The following MYBPC1 variants were observed in gnomAD, a reference collection of about 807,000 sequenced individuals.
The protein encoded by MYBPC1 is myosin binding protein C1, also known as myosin-binding protein C, slow-type.
In MYBPC1, 52 loss-of-function variants were observed where a neutral mutation model predicts 147.1. The observed-to-expected ratio is 0.35, with a 90% confidence interval of 0.28 to 0.45. The LOEUF (loss-of-function observed/expected upper bound fraction) is 0.45. Among genes scored for constraint, MYBPC1 ranks in the 20% least tolerant of loss-of-function variants. MYBPC1 has a pLI of 1.00. For synonymous variants in MYBPC1, 477 were observed against 475.9 expected (o/e 1.00, Z -0.03); for missense variants, 1,228 against 1,440.3 (o/e 0.85, Z 2.39).
chr12:101,637,734 G>A (rs1261652283), intron 10 of MYBPC1, among the ~76,000 whole-genome samples: 1 of 152,052 alleles, frequency 6.6e-6, no homozygotes, highest in Non-Finnish European at 1.5e-5. Context: ...AATATACTGG[G>A]ATTGTGTTTA....
intron 13 of MYBPC1, 157 bp downstream of exon 13, chr12:101,647,044 G>A (rs946678328): frequency 1.4e-5 from 13 of 923,436 alleles, no homozygotes; most frequent in Non-Finnish European, 1.9e-5. Context: ...ACAGCAGAGG[G>A]GAGAAAGAGA....
chr12:101,624,711 C>G (rs1330596480), intron 3 of MYBPC1, among the ~76,000 whole-genome samples: 1 of 47,804 alleles, frequency 2.1e-5, no homozygotes, highest in Non-Finnish European at 4.0e-5. Flanking sequence ...TTTTTTTTTA[C>G]GGAGAGAGTC....
At chr12:101,628,745 A>G (rs941886040) in intron 5 of MYBPC1, among the ~76,000 whole-genome samples, 5 of 152,172 alleles carry the variant, frequency 3.3e-5, no homozygotes, top group South Asian at 2.1e-4. Context: ...AAGAAACTCT[A>G]TTTCCAGCTT....
chr12:101,683,289 G>A (rs543394643), intron 30 of MYBPC1, among the ~76,000 whole-genome samples: 1 of 152,112 alleles, frequency 6.6e-6, no homozygotes, highest in Non-Finnish European at 1.5e-5. Context: ...ACTTAGCCAG[G>A]TGTGGTGGCA....
At position 101,685,761 on chromosome 12, in the gene MYBPC1, C is replaced by A; in HGVS notation, c.*199C>A. 1 of 998,206 alleles carries A rather than the reference C, an allele frequency of 1.0e-6. No individual in the cohort carries two copies. Among genetic ancestry groups the A allele is most frequent in the Non-Finnish European group, 1.4e-6 (1 of 693,998 alleles). The allele number at this position is 998,206 out of a possible 1,614,324, so 61.8% of individuals were successfully genotyped here. A position where few individuals can be genotyped will look rare whatever the true frequency, so the allele number is the denominator to read the frequency against. On this transcript the variant is annotated 3_prime_UTR_variant, in exon 32 of 32. Coordinates refer to ENST00000361466, the MANE Select transcript of MYBPC1 (RefSeq NM_002465.4). ...AATGAGAAAAAGCATTTTCTGTTTT[C>A]CCACCAGGCCCCCAAGTGTGGTCTT...
rs1889927282 is a variant in MYBPC1 at position 101,631,685 on chromosome 12, T to C, written c.404T>C (p.Leu135Pro). The part of the protein sequence containing the change: ...MDLASKAGKH[L>P]QLKETFERHS... ...CTGGCCAGCAAAGCCGGGAAGCACC[T>C]TCAGCTGAAGGAAACCTTTGAGAGG... Residue 135 changes from leucine to proline, a missense_variant, in exon 7 of 32, where the codon CTT becomes CCT. Leu to Pro is a moderately conservative substitution (Grantham distance 98). Around this residue, in one of 2 missense-constraint regions of MYBPC1, gnomAD observed 1,077 missense variants for 1,314.2 expected, o/e 0.82. Coordinates refer to ENST00000361466, the MANE Select transcript of MYBPC1 (RefSeq NM_002465.4). 6.2e-7 allele frequency: 1 copy of C among 1,614,196 alleles called. No individual in the cohort carries two copies. Among genetic ancestry groups the C allele is most frequent in the Non-Finnish European group, 8.5e-7 (1 of 1,180,032 alleles).
chr12:101,682,787 T>C lies in MYBPC1; in HGVS notation c.3492+125T>C. The stretch of plus-strand genomic sequence containing the variant: ...TTTAATTGTACCCCTTAGCAGCTCA[T>C]GGCATACAGTGCTTATGCCATGAAC... On this transcript the variant is annotated intron_variant, in intron 30 of 31. Coordinates refer to ENST00000361466, the MANE Select transcript of MYBPC1 (RefSeq NM_002465.4). 4.6e-6 allele frequency: 4 copies of C among 863,068 alleles called. No individual in the cohort carries two copies. The Admixed American group carries it at 8.1e-5, about 17-fold the overall frequency. The allele number at this position is 863,068 out of a possible 1,614,324, so 53.5% of individuals were successfully genotyped here. A position where few individuals can be genotyped will look rare whatever the true frequency, so the allele number is the denominator to read the frequency against.
In MYBPC1 at chr12:101,626,987, A is replaced by G; in HGVS notation, c.142+77A>G. 3 of 1,381,050 alleles carry G rather than the reference A, an allele frequency of 2.2e-6. No homozygotes were observed. The Admixed American group carries it at 5.1e-5, about 23-fold the overall frequency. 85.5% of individuals were successfully genotyped at this position (1,381,050 alleles called of 1,614,324 possible). A position where few individuals can be genotyped will look rare whatever the true frequency, so the allele number is the denominator to read the frequency against. ...CGGTAGAGGAAAAGAAAAGGCAGTG[A>G]GCCTCCTTGCTGAGTCAGTGCACAG... On this transcript the variant is annotated intron_variant, in intron 4 of 31. Coordinates refer to ENST00000361466, the MANE Select transcript of MYBPC1 (RefSeq NM_002465.4).
chr12:101,631,522 C>A, intron 6 of MYBPC1, 49 bp from the exon 7 acceptor site: 1 of 1,605,212 alleles, frequency 6.2e-7, no homozygotes, highest in Non-Finnish European at 8.5e-7. Flanking sequence ...GAAAGCAAAA[C>A]AAATGACGCT....
At chr12:101,617,073 G>A in intron 2 of MYBPC1, 129 bp from the exon 3 acceptor site, 2 of 779,738 alleles carry the variant, frequency 2.6e-6, no homozygotes, top group Non-Finnish European at 4.4e-6. Context: ...TACAGCACGA[G>A]TATTCAGTAT....
chr12:101,614,230 T>C (rs1885234729), intron 1 of MYBPC1, among the ~76,000 whole-genome samples: 1 of 152,102 alleles, frequency 6.6e-6, no homozygotes, highest in Non-Finnish European at 1.5e-5. Flanking sequence ...TTTCCATCAC[T>C]ACACCATGCC....
intron 12 of MYBPC1, among the ~76,000 whole-genome samples, chr12:101,645,115 A>C (rs1218505360): frequency 6.6e-6 from 1 of 152,198 alleles, no homozygotes; most frequent in African/African-American, 2.4e-5. Context: ...AAATTGAAAA[A>C]TAACTTGCAA....
At chr12:101,607,195 T>C (rs544324143) in intron 1 of MYBPC1, among the ~76,000 whole-genome samples, 2 of 152,310 alleles carry the variant, frequency 1.3e-5, no homozygotes, top group East Asian at 1.9e-4. Context: ...CAATATTTTA[T>C]GCTATGGGAG....
Position 101,644,822 on chromosome 12 carries a change from G to A in MYBPC1, c.965+26G>A, listed in dbSNP as rs751871451. On this transcript the variant is annotated intron_variant, in intron 12 of 31. Transcript: ENST00000361466. ...GTAAGTGGGCTTTGCAAAAATCAGT[G>A]ATAGCTCTACAGTAAATTAATCAAA... is the stretch of plus-strand genomic sequence containing the variant. The A allele has an allele frequency of 1.9e-6, 3 of 1,607,350 alleles. No individual in the cohort carries two copies. In the Admixed American group the frequency reaches 5.0e-5, roughly 27 times the overall value.
chr12:101,614,654 G>A (rs555626748), intron 2 of MYBPC1, 123 bp downstream of exon 2: 12 of 923,422 alleles, frequency 1.3e-5, no homozygotes, highest in Non-Finnish European at 1.6e-5. Context: ...CTGAGAAGTT[G>A]GATGGTGACC....
Position 101,662,425 on chromosome 12 carries a change from A to G in MYBPC1, c.2100A>G (p.Lys700=). Residue 700 remains lysine, a synonymous_variant, in exon 21 of 32, where the codon AAA becomes AAG. Coordinates refer to ENST00000361466, the MANE Select transcript of MYBPC1 (RefSeq NM_002465.4). ...RWMRLNFDLC[K]ETTFEPKKMI... ...TGAGGCTGAATTTTGATCTCTGCAA[A>G]GAAACAACTTTTGAGCCCAAGAAGA... 1 of 1,614,276 alleles carries G rather than the reference A, an allele frequency of 6.2e-7. No homozygotes were observed. The highest frequency in any genetic ancestry group is 8.5e-7 in the Non-Finnish European group (1 of 1,180,046).
At chr12:101,680,260 A>C (rs991996509) in intron 28 of MYBPC1, 83 bp from the exon 29 acceptor site, 2 of 1,361,122 alleles carry the variant, frequency 1.5e-6, no homozygotes, top group African/African-American at 2.9e-5. Flanking sequence ...CATGCTTTAA[A>C]ATTCTGTCAC....
At chr12:101,595,999 T>G (rs1877102601) in intron 1 of MYBPC1, among the ~76,000 whole-genome samples, 1 of 152,084 alleles carries the variant, frequency 6.6e-6, no homozygotes, top group Non-Finnish European at 1.5e-5. Flanking sequence ...ATTTCATTTA[T>G]ATTCATCTTC....
At chr12:101,677,880 A>G (rs1457461351) in intron 27 of MYBPC1, among the ~76,000 whole-genome samples, 2 of 152,244 alleles carry the variant, frequency 1.3e-5, no homozygotes, top group Non-Finnish European at 2.9e-5. Flanking sequence ...AGTCTTCTCA[A>G]TATCTGGTTC....
Sources: allele counts gnomAD v4.1 joint callset (sites outside exome capture counted in the v4.1 genomes callset), GRCh38; gene constraint gnomAD v4.1.1; regional missense constraint gnomAD v4.1.1; transcripts MANE v1.5; gene names NCBI Gene and HGNC (gene_info 2026-07-23, HGNC 2026-07-21).